Variants in DNAH3 observed in about 807,000 individuals in gnomAD.
DNAH3 encodes dynein axonemal heavy chain 3.
In DNAH3, 332 loss-of-function variants were observed where a neutral mutation model predicts 432.5. That is an observed-to-expected ratio of 0.77 (90% CI 0.70 to 0.84). The LOEUF (loss-of-function observed/expected upper bound fraction) is 0.84. Ranked by LOEUF, DNAH3 falls within the 40% of genes least tolerant of loss-of-function variation. The pLI, the probability that DNAH3 is intolerant of heterozygous loss-of-function variation, is 0.00. For missense variants in DNAH3, 4,861 were observed against 5,114.0 expected (o/e 0.95, Z 1.51); for synonymous variants, 1,956 against 1,900.2 (o/e 1.03, Z -0.76).
chr16:21,096,264 G>A (rs1312117564), intron 18 of DNAH3, among the ~76,000 whole-genome samples: 1 of 151,522 alleles, frequency 6.6e-6, no homozygotes, highest in Non-Finnish European at 1.5e-5. Context: ...TTCTCGAGTA[G>A]CTGAGACTAC....
At chr16:21,078,718 T>C (rs138683534) in intron 20 of DNAH3, among the ~76,000 whole-genome samples, 3 of 152,258 alleles carry the variant, frequency 2.0e-5, no homozygotes, top group Non-Finnish European at 2.9e-5. Flanking sequence ...AGAATGCAAA[T>C]GATTGAACAG....
At chr16:20,948,437 G>A (rs767611896) in intron 57 of DNAH3, 46 bp downstream of exon 57, 22 of 1,591,038 alleles carry the variant, frequency 1.4e-5, no homozygotes, top group African/African-American at 8.0e-5. Context: ...TAGAGATGAC[G>A]GAGCCCTGTG....
chr16:21,069,602 T>C lies in DNAH3; in HGVS notation c.3202-8A>G. The C allele has an allele frequency of 6.2e-7, 1 of 1,609,372 alleles. No homozygotes were observed. The highest frequency in any genetic ancestry group is 1.1e-5 in the South Asian group (1 of 90,580). ...TAGCTTTTCTTCCCATTTCTGTGAA[T>C]TTAGCATTTCATATCTGGATCATTA... On this transcript the variant is annotated splice_polypyrimidine_tract_variant and splice_region_variant and intron_variant, in intron 22 of 61. Transcript: ENST00000261383.
At chr16:21,094,372 T>TA (rs2091619676) in intron 18 of DNAH3, among the ~76,000 whole-genome samples, 1 of 152,004 alleles carries the variant, frequency 6.6e-6, no homozygotes, top group Admixed American at 6.6e-5. Flanking sequence ...TGAGAATGGC[T>TA]AAAATAAAAA....
chr16:21,022,041 A>G lies in DNAH3; in HGVS notation c.5706T>C (p.Cys1902=), dbSNP rs771672330. The G allele has an allele frequency of 8.1e-6, 13 of 1,613,986 alleles. No homozygotes were observed. In the East Asian group the frequency reaches 2.9e-4, roughly 36 times the overall value. Residue 1902 remains cysteine, a synonymous_variant, in exon 40 of 62, where the codon TGT becomes TGC. Coordinates refer to ENST00000261383, the Ensembl canonical transcript of DNAH3. ...TGGGAGATGTCTGGACAACAAATTT[A>G]CAATGAAGGCGACCAAATTCCAGGC...
At chr16:20,989,811 G>A (rs2086452445) in intron 44 of DNAH3, among the ~76,000 whole-genome samples, 1 of 152,260 alleles carries the variant, frequency 6.6e-6, no homozygotes, top group African/African-American at 2.4e-5. Flanking sequence ...AAGGCTCAGT[G>A]AGAAATCGAG....
chr16:20,949,240 T>A (rs138766037), intron 56 of DNAH3, among the ~76,000 whole-genome samples: 1 of 110,606 alleles, frequency 9.0e-6, no homozygotes, highest in Non-Finnish European at 1.7e-5. Flanking sequence ...AACCTTCCTC[T>A]GGGTGACAGA....
At chr16:21,058,036 C>G in intron 27 of DNAH3, 50 bp downstream of exon 27, 2 of 1,089,832 alleles carry the variant, frequency 1.8e-6, no homozygotes, top group Non-Finnish European at 2.8e-6. Flanking sequence ...TCATTCAAAT[C>G]CTAATTGATG....
chr16:21,042,333 T>C (rs2089481521), intron 31 of DNAH3, 130 bp from the exon 32 acceptor site: 1 of 853,076 alleles, frequency 1.2e-6, no homozygotes, highest in Non-Finnish European at 1.8e-6. Context: ...CATTCAAAAT[T>C]AGGAGCATGA....
Position 21,096,134 on chromosome 16 carries a change from ATT to A in DNAH3, c.2665+1219_2665+1220del, listed in dbSNP as rs11286672. On this transcript the variant is annotated intron_variant, in intron 18 of 61. Coordinates refer to ENST00000261383, the Ensembl canonical transcript of DNAH3. ...AAAGGCTCAAACCTAAGGGTCTCTG[ATT>A]TTTTTTTTTTTTTTTGAGACAAGGT... Among the ~76,000 whole-genome samples, 746 of 139,950 alleles carry A rather than the reference ATT, an allele frequency of 5.3e-3. 1 individual carries two copies. The highest frequency in any genetic ancestry group is 0.013 in the African/African-American group (472 of 37,680). 91.8% of individuals were successfully genotyped at this position (139,950 alleles called of 152,430 possible).
intron 20 of DNAH3, among the ~76,000 whole-genome samples, chr16:21,077,515 C>T (rs551516255): frequency 2.0e-5 from 3 of 152,264 alleles, no homozygotes; most frequent in Admixed American, 6.5e-5. Flanking sequence ...TATGTGATGG[C>T]TCTTGCTCTA....
At chr16:21,058,963 C>T (rs1279296093) in intron 26 of DNAH3, among the ~76,000 whole-genome samples, 1 of 151,700 alleles carries the variant, frequency 6.6e-6, no homozygotes, top group Non-Finnish European at 1.5e-5. Flanking sequence ...ATGTAACAGA[C>T]CTGCATGTTC....
At chr16:21,088,377 T>C (rs1299452616) in intron 18 of DNAH3, among the ~76,000 whole-genome samples, 2 of 152,084 alleles carry the variant, frequency 1.3e-5, no homozygotes, top group South Asian at 4.1e-4. Flanking sequence ...TTGTTCCCAC[T>C]CTATAGTTGT....
intron 37 of DNAH3, among the ~76,000 whole-genome samples, chr16:21,030,501 G>A (rs906091202): frequency 1.3e-5 from 2 of 152,136 alleles, no homozygotes; most frequent in African/African-American, 2.4e-5. Flanking sequence ...AGCCTGAGCT[G>A]CCCCAGCTGA....
chr16:21,053,432 AGTGT>A (rs771803682), intron 28 of DNAH3, among the ~76,000 whole-genome samples: 20 of 152,118 alleles, frequency 1.3e-4, no homozygotes, highest in Non-Finnish European at 1.9e-4. Flanking sequence ...TTCGCTATAC[AGTGT>A]GTGTATGTGC....
At position 20,974,729 on chromosome 16, in the gene DNAH3, G is replaced by A. The variant is rs553707924; in HGVS notation, c.8259+504C>T. Among the ~76,000 whole-genome samples, 199 of 150,660 alleles carry A rather than the reference G, an allele frequency of 1.3e-3. 1 individual carries two copies. Among genetic ancestry groups the A allele is most frequent in the Admixed American group, 3.0e-3 (46 of 15,140 alleles). On this transcript the variant is annotated intron_variant, in intron 51 of 61. Coordinates refer to ENST00000261383, the Ensembl canonical transcript of DNAH3. The stretch of plus-strand genomic sequence containing the variant: ...AGCCACCACACCTGCCCATATGTTG[G>A]GTCTTAATGCTTCCTGGTTTCAGCG...
At chr16:20,961,237 T>C (rs145017961) in intron 53 of DNAH3, among the ~76,000 whole-genome samples, 59 of 152,274 alleles carry the variant, frequency 3.9e-4, no homozygotes, top group African/African-American at 1.3e-3. Flanking sequence ...AGAATGTAAC[T>C]GTTCAGTAGT....
chr16:21,080,501 T>C (rs2091146129), intron 20 of DNAH3, among the ~76,000 whole-genome samples: 1 of 152,218 alleles, frequency 6.6e-6, no homozygotes, highest in Admixed American at 6.5e-5. Flanking sequence ...CAGCCTGTAT[T>C]TTATACTTAC....
chr16:21,015,759 C>T (rs553206089), intron 41 of DNAH3, among the ~76,000 whole-genome samples: 3 of 152,128 alleles, frequency 2.0e-5, no homozygotes, highest in East Asian at 1.9e-4. Flanking sequence ...AGTTAAAATG[C>T]GATATGATTT....
Sources: allele counts gnomAD v4.1 joint callset (sites outside exome capture counted in the v4.1 genomes callset), GRCh38; gene constraint gnomAD v4.1.1; transcripts MANE v1.5; gene names NCBI Gene and HGNC (gene_info 2026-07-23, HGNC 2026-07-21).